The following CNGA1 variants were observed in gnomAD, a reference collection of about 807,000 sequenced individuals.
The protein encoded by CNGA1 is cyclic nucleotide-gated channel alpha-1.
Under a neutral mutation model 69.7 loss-of-function variants are expected in CNGA1, and 53 were observed. The observed-to-expected ratio is 0.76, with a 90% confidence interval of 0.61 to 0.96. The LOEUF (loss-of-function observed/expected upper bound fraction) is 0.96, where lower values mean the gene tolerates loss of function less well. CNGA1 is among the 40% of genes least tolerant of loss of function. The probability of loss-of-function intolerance (pLI) is 0.00; values close to 1 mark genes in which losing one functional copy is unlikely to be tolerated. For synonymous variants in CNGA1, 249 were observed against 283.5 expected (o/e 0.88, Z 1.22); for missense variants, 739 against 811.2 (o/e 0.91, Z 1.08).
intron 3 of CNGA1, among the ~76,000 whole-genome samples, chr4:47,963,981 A>C (rs1740595359): frequency 6.6e-6 from 1 of 152,248 alleles, no homozygotes; most frequent in South Asian, 2.1e-4. Context: ...AATAACTAGC[A>C]GGCAGTAGCC....
intron 3 of CNGA1, among the ~76,000 whole-genome samples, chr4:47,964,153 T>C (rs1463782997): frequency 2.0e-5 from 3 of 152,212 alleles, no homozygotes; most frequent in African/African-American, 4.8e-5. Flanking sequence ...ATGACTATTC[T>C]GGTATATTTC....
chr4:47,968,510 TAC>T (rs1262741987), intron 3 of CNGA1, among the ~76,000 whole-genome samples: 2 of 152,054 alleles, frequency 1.3e-5, no homozygotes, highest in African/African-American at 4.8e-5. Flanking sequence ...GGGAATTTAA[TAC>T]AGAGCATTAG....
intron 2 of CNGA1, among the ~76,000 whole-genome samples, chr4:47,999,126 A>G (rs1413213970): frequency 6.6e-6 from 1 of 152,242 alleles, no homozygotes; most frequent in Non-Finnish European, 1.5e-5. Context: ...AGAAAGAGAG[A>G]GAGACCACAT....
chr4:47,968,594 C>G (rs530721231), intron 3 of CNGA1, among the ~76,000 whole-genome samples: 2 of 152,304 alleles, frequency 1.3e-5, no homozygotes, highest in East Asian at 3.9e-4. Flanking sequence ...TAGGACACTC[C>G]TACTGCCCCA....
intron 6 of CNGA1, among the ~76,000 whole-genome samples, chr4:47,943,960 T>G (rs1161418373): frequency 6.6e-6 from 1 of 152,216 alleles, no homozygotes; most frequent in Non-Finnish European, 1.5e-5. Flanking sequence ...CAATTTCTTC[T>G]TGAGTGGAGA....
At chr4:47,989,197 AC>A (rs1338474801) in intron 2 of CNGA1, among the ~76,000 whole-genome samples, 1 of 152,132 alleles carries the variant, frequency 6.6e-6, no homozygotes, top group East Asian at 1.9e-4. Context: ...TAATGTGTAA[AC>A]TGCCAAAAAT....
At chr4:47,952,540 T>C (rs769101947) in intron 4 of CNGA1, 43 bp downstream of exon 4, 1 of 1,600,812 alleles carries the variant, frequency 6.2e-7, no homozygotes, top group Non-Finnish European at 8.6e-7. Flanking sequence ...ATTAAAGAAC[T>C]GTAGCTAATA....
intron 6 of CNGA1, among the ~76,000 whole-genome samples, chr4:47,946,928 C>T (rs909199445): frequency 2.0e-5 from 3 of 152,110 alleles, no homozygotes; most frequent in East Asian, 1.9e-4. Flanking sequence ...GGACTAAAGG[C>T]GTGCACCACC....
At chr4:48,001,969 T>G (rs930328039) in intron 2 of CNGA1, among the ~76,000 whole-genome samples, 2 of 152,152 alleles carry the variant, frequency 1.3e-5, no homozygotes, top group Non-Finnish European at 2.9e-5. Flanking sequence ...CAAAGAAAAC[T>G]TTAAAATATT....
rs186366524 is a variant in CNGA1 at position 47,955,219 on chromosome 4, A to G, written c.-14-2516T>C. 4.9e-5 allele frequency among the ~76,000 whole-genome samples: 6 copies of G among 121,654 alleles called. 1 individual carries two copies. The highest frequency in any genetic ancestry group is 1.7e-4 in the African/African-American group (5 of 29,946). 79.8% of individuals were successfully genotyped at this position (121,654 alleles called of 152,430 possible). On this transcript the variant is annotated intron_variant, in intron 3 of 10. Transcript: ENST00000514170. ...TTTTTTTGAGACAGAGTCTCACTCT[A>G]TCACCTAGGCTGGAGTGCAGTGGTG... is the stretch of plus-strand genomic sequence containing the variant.
chr4:47,971,222 A>G, intron 3 of CNGA1: 1 of 314,342 alleles, frequency 3.2e-6, no homozygotes, highest in Non-Finnish European at 6.3e-6. Context: ...AGTGGTGAGA[A>G]TCTCTCTGGA....
At chr4:47,993,035 T>C (rs1219030311) in intron 2 of CNGA1, among the ~76,000 whole-genome samples, 1 of 152,206 alleles carries the variant, frequency 6.6e-6, no homozygotes, top group Non-Finnish European at 1.5e-5. Context: ...ATCCCTGGTA[T>C]GAAACCAACT....
intron 6 of CNGA1, among the ~76,000 whole-genome samples, chr4:47,946,508 G>T (rs1458609788): frequency 1.3e-5 from 2 of 152,140 alleles, no homozygotes. Context: ...AGCCTTGAGG[G>T]ACCTGGATCA....
intron 2 of CNGA1, among the ~76,000 whole-genome samples, chr4:48,006,543 T>C (rs1467209399): frequency 6.6e-6 from 1 of 152,204 alleles, no homozygotes; most frequent in Non-Finnish European, 1.5e-5. Flanking sequence ...ATAATTTTTA[T>C]ACCAAATAAC....
chr4:48,007,147 ATT>A (rs1277675317), intron 2 of CNGA1, among the ~76,000 whole-genome samples: 2 of 152,162 alleles, frequency 1.3e-5, no homozygotes, highest in Admixed American at 6.5e-5. Flanking sequence ...AGCCAAATAA[ATT>A]TGTTTTTCAA....
chr4:47,989,299 A>T (rs1742133584), intron 2 of CNGA1, among the ~76,000 whole-genome samples: 1 of 152,116 alleles, frequency 6.6e-6, no homozygotes, highest in Non-Finnish European at 1.5e-5. Flanking sequence ...TTACAGGGAA[A>T]CTCATTAGTT....
intron 6 of CNGA1, 138 bp downstream of exon 6, chr4:47,949,692 AATG>A: frequency 3.0e-6 from 2 of 657,714 alleles, no homozygotes; most frequent in Admixed American, 2.8e-5. Flanking sequence ...TTTTCAACAA[AATG>A]ATAAGACTAT....
At chr4:47,953,814 C>T (rs73147937) in intron 3 of CNGA1, among the ~76,000 whole-genome samples, 3,972 of 152,192 alleles carry the variant, frequency 0.026, 198 homozygotes, top group African/African-American at 0.092. Flanking sequence ...CTTGAGAATG[C>T]CAGTAACTGA....
intron 2 of CNGA1, among the ~76,000 whole-genome samples, chr4:47,993,274 T>C (rs1253945719): frequency 2.0e-5 from 3 of 152,130 alleles, no homozygotes; most frequent in Non-Finnish European, 4.4e-5. Context: ...TACCAATTCT[T>C]TGAATGTTTG....
Sources: gnomAD v4.1 joint callset for allele counts (sites outside exome capture counted in the v4.1 genomes callset) on GRCh38, gnomAD v4.1.1 for gene constraint, MANE v1.5 for transcripts, NCBI Gene and HGNC (gene_info 2026-07-23, HGNC 2026-07-21) for gene names.